EPB41L3: variants seen among roughly 807,000 people sequenced by gnomAD.
EPB41L3 encodes the protein erythrocyte membrane protein band 4.1 like 3.
A neutral mutation model predicts 127.1 loss-of-function variants in EPB41L3; 57 were observed. The ratio of observed to expected loss-of-function variants is 0.45; its 90% CI spans 0.36 to 0.56. EPB41L3 has a LOEUF of 0.56. Among genes scored for constraint, EPB41L3 ranks in the 20% least tolerant of loss-of-function variants. EPB41L3 has a pLI of 0.00. For missense variants in EPB41L3, 1,273 were observed against 1,372.2 expected, an observed-to-expected ratio of 0.93 and a Z score of 1.14; for synonymous variants, 572 against 549.5, an observed-to-expected ratio of 1.04 and a Z score of -0.57.
chr18:5,494,777 G>T (rs541958832), intron 1 of EPB41L3, among the ~76,000 whole-genome samples: 11 of 152,016 alleles, frequency 7.2e-5, no homozygotes, highest in Non-Finnish European at 1.5e-4. Context: ...ACTTACTTGC[G>T]TGAGGTTACA....
chr18:5,455,319 C>T (rs2082875191), intron 3 of EPB41L3, among the ~76,000 whole-genome samples: 1 of 152,000 alleles, frequency 6.6e-6, no homozygotes. Flanking sequence ...CTTCTCTTTA[C>T]ATAGGTAAAA....
intron 3 of EPB41L3, among the ~76,000 whole-genome samples, chr18:5,461,393 G>C (rs1368300894): frequency 6.6e-6 from 1 of 152,138 alleles, no homozygotes; most frequent in Non-Finnish European, 1.5e-5. Context: ...GGGAAAATGA[G>C]GTGCATTCCT....
At chr18:5,433,865 C>T in intron 7 of EPB41L3, 38 bp downstream of exon 7, 8 of 1,607,224 alleles carry the variant, frequency 5.0e-6, no homozygotes, top group Non-Finnish European at 6.8e-6. Flanking sequence ...ACTCTCCCAT[C>T]AAGGCACAAC....
chr18:5,431,849 C>T (rs1245255483), intron 8 of EPB41L3, among the ~76,000 whole-genome samples: 1 of 152,152 alleles, frequency 6.6e-6, no homozygotes, highest in Non-Finnish European at 1.5e-5. Flanking sequence ...TCTCACTCTA[C>T]CTTGTACCTA....
intron 1 of EPB41L3, among the ~76,000 whole-genome samples, chr18:5,517,628 G>A (rs1287525666): frequency 1.3e-5 from 2 of 152,042 alleles, no homozygotes; most frequent in Non-Finnish European, 2.9e-5. Context: ...AGTAGAGACA[G>A]GGTTTCACCA....
intron 8 of EPB41L3, among the ~76,000 whole-genome samples, chr18:5,428,752 C>A (rs191286316): frequency 6.6e-6 from 1 of 152,300 alleles, no homozygotes; most frequent in African/African-American, 2.4e-5. Context: ...ATGTTAATAA[C>A]GGTAATAATA....
chr18:5,530,256 T>A (rs2093368200), intron 1 of EPB41L3, among the ~76,000 whole-genome samples: 2 of 152,182 alleles, frequency 1.3e-5, no homozygotes, highest in Non-Finnish European at 2.9e-5. Context: ...GTGAAGTTTC[T>A]AAGTTTAAAC....
At chr18:5,538,846 A>G (rs2149019568) in intron 1 of EPB41L3, among the ~76,000 whole-genome samples, 1 of 152,142 alleles carries the variant, frequency 6.6e-6, no homozygotes, top group Non-Finnish European at 1.5e-5. Flanking sequence ...ATATGGCAAA[A>G]CCTCTAGGAT....
intron 3 of EPB41L3, chr18:5,567,128 A>G (rs996175874): frequency 1.6e-4 from 25 of 152,198 alleles, no homozygotes; most frequent in African/African-American, 6.0e-4. Context: ...TTAGAGCCTC[A>G]GCTTCTGGAT....
chr18:5,407,757 T>C (rs1444188097), intron 14 of EPB41L3, 21 bp from the exon 15 acceptor site: 3 of 1,613,284 alleles, frequency 1.9e-6, no homozygotes, highest in South Asian at 1.1e-5. Context: ...CAAGAAAGAG[T>C]GGGAAATAAA....
rs754570387 is a variant in EPB41L3, at chr18:5,416,379, C to T, written c.1507-1G>A. 1.2e-6 allele frequency: 2 copies of T among 1,608,708 alleles called. No homozygotes were observed. Among genetic ancestry groups the T allele is most frequent in the Admixed American group, 1.7e-5 (1 of 59,830 alleles). On this transcript the variant is annotated splice_acceptor_variant, in intron 12 of 22. Coordinates refer to ENST00000341928, the MANE Select transcript of EPB41L3 (RefSeq NM_012307.5). LOFTEE classifies it high-confidence loss of function. ...ATGAGTCAGTGCCAAGCCCAGGTGA[C>T]TGATGTGAAAGAGACAGAAAGAGAC...
intron 1 of EPB41L3, among the ~76,000 whole-genome samples, chr18:5,527,768 G>A (rs1598665320): frequency 1.3e-5 from 2 of 152,342 alleles, no homozygotes; most frequent in South Asian, 2.1e-4. Context: ...GAATGTTCCA[G>A]GCCGAGGGCT....
chr18:5,561,377 T>C (rs944960004), intron 3 of EPB41L3, among the ~76,000 whole-genome samples: 10 of 152,044 alleles, frequency 6.6e-5, no homozygotes, highest in Admixed American at 1.3e-4. Context: ...CAGGGGGATA[T>C]AGAAAGGACA....
At chr18:5,443,416 G>A (rs1455504769) in intron 5 of EPB41L3, among the ~76,000 whole-genome samples, 2 of 152,152 alleles carry the variant, frequency 1.3e-5, no homozygotes, top group Non-Finnish European at 2.9e-5. Context: ...TTTTCAAATT[G>A]CCTTCAGGGG....
In EPB41L3 at chr18:5,419,812, T is replaced by A; in HGVS notation, c.1405A>T (p.Thr469Ser). 6.2e-7 allele frequency: 1 copy of A among 1,614,142 alleles called. No homozygotes were observed. The highest frequency in any genetic ancestry group is 8.5e-7 in the Non-Finnish European group (1 of 1,180,032). Reference sequence around the variant, plus strand: ...TCCTCCTCAGCCTTCTTCTCCGGAGTCACAGTGGTGATCAAGTTGGTCTGA... The same window carrying A: ...TCCTCCTCAGCCTTCTTCTCCGGAGACACAGTGGTGATCAAGTTGGTCTGA... ...ISQTNLITTV[T>S]PEKKAEEERD... Residue 469 changes from threonine (T) to serine (S), a missense_variant, in exon 12 of 23, where the codon ACT becomes TCT. Transcript: ENST00000341928.
chr18:5,578,144 AAAC>A (rs980498818), intron 3 of EPB41L3, among the ~76,000 whole-genome samples: 1 of 152,158 alleles, frequency 6.6e-6, no homozygotes, highest in African/African-American at 2.4e-5. Flanking sequence ...AGAGAGCAAA[AAAC>A]AACATTTTTT....
intron 3 of EPB41L3, among the ~76,000 whole-genome samples, chr18:5,591,164 T>C (rs2094482383): frequency 6.6e-6 from 1 of 152,246 alleles, no homozygotes; most frequent in Non-Finnish European, 1.5e-5. Context: ...TTCTCTCTAC[T>C]CTTTTCCATT....
chr18:5,593,536 A>G (rs926701670), intron 3 of EPB41L3, among the ~76,000 whole-genome samples: 2 of 152,158 alleles, frequency 1.3e-5, no homozygotes, highest in Admixed American at 6.5e-5. Flanking sequence ...AGATCACAGG[A>G]CCATGGGACC....
chr18:5,566,727 C>CTATTG lies in EPB41L3; in HGVS notation c.-306+45612_-306+45613insCAATA, dbSNP rs2094204490. ...CCTTTCTTTTCTTTTCTATTCCATT[C>CTATTG]TATTCTATTCTATTCTATTCTATTC... is the stretch of plus-strand genomic sequence containing the variant. On this transcript the variant is annotated intron_variant, in intron 3 of 21. Transcript: ENST00000545076. Among the ~76,000 whole-genome samples the CTATTG allele has an allele frequency of 1.2e-4, 7 of 58,132 alleles. No homozygotes were observed. The East Asian group carries it at 2.7e-3, about 23-fold the overall frequency. The allele number at this position is 58,132 out of a possible 152,430, so 38.1% of individuals were successfully genotyped here.
Sources: gnomAD v4.1 joint callset for allele counts (sites outside exome capture counted in the v4.1 genomes callset) on GRCh38, gnomAD v4.1.1 for gene constraint, MANE v1.5 for transcripts, NCBI Gene and HGNC (gene_info 2026-07-23, HGNC 2026-07-21) for gene names.